The following PDE4D variants were observed in gnomAD, a reference collection of about 807,000 sequenced individuals.
The protein encoded by PDE4D is phosphodiesterase 4D.
In PDE4D, 24 loss-of-function variants were observed where a neutral mutation model predicts 87.4. That is an observed-to-expected ratio of 0.27 (90% CI 0.20 to 0.39). PDE4D has a LOEUF of 0.39. PDE4D is among the 10% of genes least tolerant of loss of function. The probability of loss-of-function intolerance (pLI) is 1.00; values close to 1 mark genes in which losing one functional copy is unlikely to be tolerated. For synonymous variants in PDE4D, 384 were observed against 383.2 expected (o/e 1.00, Z -0.02); for missense variants, 714 against 1,041.0 (o/e 0.69, Z 4.32).
chr5:59,162,168 G>A (rs1003715501), intron 5 of PDE4D, among the ~76,000 whole-genome samples: 1 of 152,134 alleles, frequency 6.6e-6, no homozygotes, highest in Non-Finnish European at 1.5e-5. Context: ...ACATCCAATT[G>A]ATCTATATAT....
intron 1 of PDE4D, among the ~76,000 whole-genome samples, chr5:59,354,829 G>A (rs1781108368): frequency 6.6e-6 from 1 of 152,182 alleles, no homozygotes; most frequent in African/African-American, 2.4e-5. Flanking sequence ...GGCATTACTG[G>A]CATTTTTGCT....
chr5:60,070,772 C>T (rs1772627725), intron 2 of PDE4D, among the ~76,000 whole-genome samples: 1 of 151,856 alleles, frequency 6.6e-6, no homozygotes. Flanking sequence ...TTTCTTTAAA[C>T]GTTTGTTAGA....
intron 1 of PDE4D, among the ~76,000 whole-genome samples, chr5:59,829,986 G>A (rs981421680): frequency 6.8e-6 from 1 of 146,770 alleles, no homozygotes; most frequent in South Asian, 2.1e-4. Flanking sequence ...GAGGTAAGAA[G>A]ACATATAACT....
intron 1 of PDE4D, among the ~76,000 whole-genome samples, chr5:59,286,874 T>G (rs1411128076): frequency 6.6e-6 from 1 of 151,990 alleles, no homozygotes; most frequent in African/African-American, 2.4e-5. Context: ...TCCTTGGAAT[T>G]AAGACCATTT....
intron 5 of PDE4D, among the ~76,000 whole-genome samples, chr5:59,118,385 G>C (rs566956968): frequency 6.6e-6 from 1 of 152,216 alleles, no homozygotes; most frequent in East Asian, 1.9e-4. Flanking sequence ...CTGCTTAAGT[G>C]TTATTTTTTC....
At chr5:60,084,280 T>C (rs945217181) in intron 2 of PDE4D, among the ~76,000 whole-genome samples, 1 of 152,244 alleles carries the variant, frequency 6.6e-6, no homozygotes, top group African/African-American at 2.4e-5. Flanking sequence ...ATTTCTTTTA[T>C]AATTGTAACT....
At chr5:59,527,743 T>C (rs1813416302) in intron 1 of PDE4D, among the ~76,000 whole-genome samples, 1 of 152,188 alleles carries the variant, frequency 6.6e-6, no homozygotes, top group African/African-American at 2.4e-5. Flanking sequence ...TGTCCATAAT[T>C]TTATTGTCAA....
In PDE4D at chr5:59,971,555, A is replaced by AAGCCTACC. The variant is rs200545503; in HGVS notation, c.272+16925_272+16932dup. On this transcript the variant is annotated intron_variant, in intron 3 of 16. Transcript: ENST00000502484. ...ACCACTCTCATTAGGAGTCCATTGT[A>AAGCCTACC]AGCCTACCAGCTTCAACAGTCAAAA... Among the ~76,000 whole-genome samples, 1,295 of 152,158 alleles carry AAGCCTACC rather than the reference A, an allele frequency of 8.5e-3. 21 individuals are homozygous for AAGCCTACC. Among genetic ancestry groups the AAGCCTACC allele is most frequent in the African/African-American group, 0.03 (1,257 of 41,548 alleles).
intron 1 of PDE4D, among the ~76,000 whole-genome samples, chr5:59,225,981 G>A (rs748319439): frequency 1.3e-5 from 2 of 150,842 alleles, no homozygotes; most frequent in Non-Finnish European, 2.9e-5. Flanking sequence ...CTGTTAGGAT[G>A]GCCATTATTA....
At chr5:59,787,449 C>T (rs572853362) in intron 1 of PDE4D, among the ~76,000 whole-genome samples, 1 of 152,304 alleles carries the variant, frequency 6.6e-6, no homozygotes, top group African/African-American at 2.4e-5. Flanking sequence ...CAGAAGGAAT[C>T]ACACCCTTTG....
In PDE4D at chr5:59,676,537, A is replaced by C. The variant is rs1580347390; in HGVS notation, c.455+216631T>G. 2.6e-5 allele frequency among the ~76,000 whole-genome samples: 4 copies of C among 152,314 alleles called. 1 individual carries two copies. The highest frequency in any genetic ancestry group is 9.6e-5 in the African/African-American group (4 of 41,576). On this transcript the variant is annotated intron_variant, in intron 1 of 14. Coordinates refer to ENST00000340635, the MANE Select transcript of PDE4D (RefSeq NM_001104631.2). ...ACCAACAGAGAGCTTCTAAAAGCTG[A>C]AGGATTTTCTAATTTTACAGAGCAT...
At chr5:59,818,692 T>C (rs959411152) in intron 1 of PDE4D, among the ~76,000 whole-genome samples, 2 of 152,158 alleles carry the variant, frequency 1.3e-5, no homozygotes, top group Non-Finnish European at 2.9e-5. Context: ...GACAAAGGCT[T>C]TCTCCTGATG....
intron 1 of PDE4D, among the ~76,000 whole-genome samples, chr5:60,440,443 A>T (rs1745114464): frequency 6.6e-6 from 1 of 152,154 alleles, no homozygotes; most frequent in African/African-American, 2.4e-5. Flanking sequence ...GAATCAAGTA[A>T]ACAGGAAAAG....
chr5:59,139,526 C>T (rs563465044), intron 5 of PDE4D, among the ~76,000 whole-genome samples: 6 of 152,254 alleles, frequency 3.9e-5, no homozygotes, highest in African/African-American at 1.4e-4. Flanking sequence ...GTCTCACTGT[C>T]GCCTAGGCTG....
intron 1 of PDE4D, among the ~76,000 whole-genome samples, chr5:60,487,183 C>G (rs1354253133): frequency 1.3e-5 from 2 of 152,186 alleles, no homozygotes; most frequent in Non-Finnish European, 2.9e-5. Flanking sequence ...GAAGTTACCC[C>G]CCAGCAATCA....
chr5:60,392,046 A>C (rs1389648774), intron 1 of PDE4D, among the ~76,000 whole-genome samples: 2 of 152,162 alleles, frequency 1.3e-5, no homozygotes, highest in African/African-American at 4.8e-5. Context: ...TATTTTCAAC[A>C]GAAAAGTAGA....
chr5:59,970,967 A>T lies in PDE4D; in HGVS notation c.272+17521T>A, dbSNP rs566843748. Among the ~76,000 whole-genome samples, 928 of 151,486 alleles carry T rather than the reference A, an allele frequency of 6.1e-3. 3 individuals carry two copies. Among genetic ancestry groups the T allele is most frequent in the Non-Finnish European group, 9.8e-3 (667 of 67,794 alleles). On this transcript the variant is annotated intron_variant, in intron 3 of 16. Coordinates refer to the PDE4D transcript ENST00000502484. The stretch of plus-strand genomic sequence containing the variant: ...GACTTGGAACCAACCCAAATGTCCA[A>T]CAATGATAGACTGGATTAAGAAAAT...
At chr5:59,740,226 T>C (rs1758641300) in intron 1 of PDE4D, among the ~76,000 whole-genome samples, 2 of 152,334 alleles carry the variant, frequency 1.3e-5, no homozygotes, top group Admixed American at 6.5e-5. Context: ...AGTCTGGACT[T>C]TCTAAGTACA....
chr5:60,043,592 G>A (rs987122567), intron 2 of PDE4D, among the ~76,000 whole-genome samples: 2 of 151,768 alleles, frequency 1.3e-5, no homozygotes, highest in Non-Finnish European at 2.9e-5. Flanking sequence ...ACTAACAGTG[G>A]ATCTCTCTGC....
Sources: gnomAD v4.1 joint callset for allele counts (sites outside exome capture counted in the v4.1 genomes callset) on GRCh38, gnomAD v4.1.1 for gene constraint, MANE v1.5 for transcripts, NCBI Gene and HGNC (gene_info 2026-07-23, HGNC 2026-07-21) for gene names.